Variants in LAMA3 observed in about 807,000 individuals in gnomAD.
LAMA3 encodes the protein laminin subunit alpha 3, also known as laminin subunit alpha-3.
In LAMA3, 281 loss-of-function variants were observed where a neutral mutation model predicts 402.0. That is an observed-to-expected ratio of 0.70 (90% CI 0.63 to 0.77). LAMA3 has a LOEUF of 0.77. LAMA3 is among the 30% of genes least tolerant of loss of function. LAMA3 has a pLI of 0.00. For synonymous variants in LAMA3, 1,431 were observed against 1,558.4 expected (o/e 0.92, Z 1.93); for missense variants, 3,840 against 4,215.5 (o/e 0.91, Z 2.47).
chr18:23,798,561 G>T (rs183751038), intron 12 of LAMA3, among the ~76,000 whole-genome samples: 18 of 152,284 alleles, frequency 1.2e-4, no homozygotes, highest in African/African-American at 3.9e-4. Context: ...AGCCTTTCCA[G>T]GGCAAAACCA....
At chr18:23,749,799 C>T (rs138074517) in intron 4 of LAMA3, among the ~76,000 whole-genome samples, 90 of 152,296 alleles carry the variant, frequency 5.9e-4, no homozygotes, top group African/African-American at 2.0e-3. Context: ...AGGTCTTGAA[C>T]TGTCCTTTCT....
chr18:23,924,779 G>A (rs938066621), intron 62 of LAMA3, among the ~76,000 whole-genome samples: 1 of 151,960 alleles, frequency 6.6e-6, no homozygotes, highest in Non-Finnish European at 1.5e-5. Flanking sequence ...CTGACCTCAG[G>A]TGATCCACCT....
chr18:23,714,163 AC>A (rs1221238136), intron 2 of LAMA3, 91 bp downstream of exon 2: 7 of 1,021,104 alleles, frequency 6.9e-6, no homozygotes, highest in African/African-American at 1.6e-5. Context: ...TAAAAAAAAA[AC>A]AAACTTCAGT....
chr18:23,836,321 A>C (rs551765519), intron 24 of LAMA3, among the ~76,000 whole-genome samples: 2 of 152,316 alleles, frequency 1.3e-5, no homozygotes, highest in South Asian at 4.1e-4. Context: ...CAGTAGTTTC[A>C]AATTATATTT....
At chr18:23,701,248 C>T (rs1348020949) in intron 1 of LAMA3, among the ~76,000 whole-genome samples, 1 of 152,142 alleles carries the variant, frequency 6.6e-6, no homozygotes, top group Non-Finnish European at 1.5e-5. Flanking sequence ...AGGTGAGTAC[C>T]TGAGAAGTCT....
At chr18:23,910,154 A>G (rs1288832352) in intron 55 of LAMA3, among the ~76,000 whole-genome samples, 21 of 152,250 alleles carry the variant, frequency 1.4e-4, no homozygotes, top group Admixed American at 1.4e-3. Context: ...GTGTTCATTC[A>G]CTAATTTATC....
At chr18:23,936,229 C>A (rs1277717291) in intron 67 of LAMA3, among the ~76,000 whole-genome samples, 2 of 150,458 alleles carry the variant, frequency 1.3e-5, no homozygotes, top group African/African-American at 4.9e-5. Context: ...TTTATTTTTT[C>A]TTTTTATATA....
In LAMA3 at chr18:23,847,539, A is replaced by G. The variant is rs1238668875; in HGVS notation, c.4007A>G (p.Gln1336Arg). The change falls in exon 32 of 75, where the codon CAG becomes CGG. Residue 1336 changes from glutamine to arginine, a missense_variant. Coordinates refer to ENST00000313654, the MANE Select transcript of LAMA3 (RefSeq NM_198129.4). ...CRCPPRTVRP[Q>R]CEVCETHSFS... is the part of the protein sequence containing the mutation. ...TGCCCTCCCCGCACGGTCAGGCCCC[A>G]GTGTGAGGTGTGTGAGACACACTCA... The G allele has an allele frequency of 6.2e-6, 10 of 1,614,086 alleles. No homozygotes were observed. The highest frequency in any genetic ancestry group is 1.6e-4 in the Middle Eastern group (1 of 6,062).
At chr18:23,874,930 C>T (rs1220303056) in intron 38 of LAMA3, among the ~76,000 whole-genome samples, 1 of 152,172 alleles carries the variant, frequency 6.6e-6, no homozygotes, top group African/African-American at 2.4e-5. Flanking sequence ...GTGGCGCAGT[C>T]GTGGCTCACT....
At chr18:23,900,654 G>A (rs1024639256) in intron 47 of LAMA3, among the ~76,000 whole-genome samples, 1 of 152,114 alleles carries the variant, frequency 6.6e-6, no homozygotes, top group Non-Finnish European at 1.5e-5. Context: ...ACAGATACTG[G>A]TATTTATTCT....
chr18:23,889,538 G>A (rs2080569891), intron 41 of LAMA3, among the ~76,000 whole-genome samples: 1 of 151,296 alleles, frequency 6.6e-6, no homozygotes. Flanking sequence ...CTCCAGCCTG[G>A]AGAACAGAGT....
chr18:23,775,574 C>A (rs1483989228), intron 9 of LAMA3, among the ~76,000 whole-genome samples: 1 of 151,036 alleles, frequency 6.6e-6, no homozygotes, highest in African/African-American at 2.4e-5. Flanking sequence ...ATGAGAACTT[C>A]TGTGTGGACG....
chr18:23,947,510 GCTAGCTGCTTAGGCTGCC>G (rs2145538901), intron 70 of LAMA3, among the ~76,000 whole-genome samples: 1 of 152,306 alleles, frequency 6.6e-6, no homozygotes, highest in African/African-American at 2.4e-5. Flanking sequence ...CAGCTTGGAT[GCTAGCTGCTTAGGCTGCC>G]CTAGCCTTGA....
intron 1 of LAMA3, among the ~76,000 whole-genome samples, chr18:23,695,796 CAAAAAAAAAAAAAAAAAAAAAAAAAAAA>C (rs58873998): frequency 1.0e-4 from 4 of 38,620 alleles, no homozygotes; most frequent in African/African-American, 3.4e-4. Context: ...GACTCCATCT[CAAAAAAAAAAAAAAAAAAAAAAAAAAAA>C]AAAAAAAAAA....
chr18:23,903,534 T>C (rs1023346740), intron 49 of LAMA3, among the ~76,000 whole-genome samples: 1 of 152,242 alleles, frequency 6.6e-6, no homozygotes, highest in South Asian at 2.1e-4. Context: ...CTTTAAGTTT[T>C]AGGGTACATG....
chr18:23,869,446 A>G (rs1041892130), intron 37 of LAMA3, among the ~76,000 whole-genome samples: 4 of 152,214 alleles, frequency 2.6e-5, no homozygotes, highest in African/African-American at 9.7e-5. Context: ...TTCTTAAGGT[A>G]ATAGAAATGT....
chr18:23,950,840 G>C (rs1359841913), intron 72 of LAMA3, among the ~76,000 whole-genome samples: 1 of 152,180 alleles, frequency 6.6e-6, no homozygotes, highest in Non-Finnish European at 1.5e-5. Flanking sequence ...TGGTAGCCCA[G>C]AAAAGCAAGT....
intron 12 of LAMA3, among the ~76,000 whole-genome samples, chr18:23,808,545 T>G (rs1351143759): frequency 6.6e-6 from 1 of 152,150 alleles, no homozygotes; most frequent in Admixed American, 6.5e-5. Flanking sequence ...GTCTGCTGGA[T>G]GGATGACTGT....
chr18:23,739,512 G>A (rs2061529075), intron 2 of LAMA3, among the ~76,000 whole-genome samples: 1 of 152,190 alleles, frequency 6.6e-6, no homozygotes, highest in South Asian at 2.1e-4. Context: ...AACAGCAAAG[G>A]ATAATTTCAG....
Sources: allele counts gnomAD v4.1 joint callset (sites outside exome capture counted in the v4.1 genomes callset), GRCh38; gene constraint gnomAD v4.1.1; transcripts MANE v1.5; gene names NCBI Gene and HGNC (gene_info 2026-07-23, HGNC 2026-07-21).